Variants in SON observed in about 807,000 individuals in gnomAD.
SON encodes the protein protein SON.
A neutral mutation model predicts 173.3 loss-of-function variants in SON; 4 were observed. The observed-to-expected ratio is 0.02, with a 90% CI of 0.01 to 0.05. The LOEUF (loss-of-function observed/expected upper bound fraction) is 0.05, where lower values mean the gene tolerates loss of function less well. Among genes scored for constraint, SON ranks in the 10% least tolerant of loss-of-function variants. The probability of loss-of-function intolerance (pLI) is 1.00; values close to 1 mark genes in which losing one functional copy is unlikely to be tolerated. For synonymous variants in SON, 1,190 were observed against 1,105.9 expected (o/e 1.08, Z -1.51); for missense variants, 2,626 against 3,055.3 (o/e 0.86, Z 3.31).
chr21:33,572,550 G>A, intron 8 of SON: 1 of 1,304,034 alleles, frequency 7.7e-7, no homozygotes, highest in Non-Finnish European at 1.0e-6. Context: ...ACTTGTTTCA[G>A]GGCCAAATCC....
At chr21:33,566,015 C>CTTAAGAGAAGTCT (rs1224759972) in intron 6 of SON, among the ~76,000 whole-genome samples, 2 of 152,256 alleles carry the variant, frequency 1.3e-5, no homozygotes, top group African/African-American at 4.8e-5. Flanking sequence ...AGGTCTTATT[C>CTTAAGAGAAGTCT]TTAAGAGAAG....
chr21:33,547,638 CAATT>C (rs3057430), intron 2 of SON, among the ~76,000 whole-genome samples: 31,774 of 144,888 alleles, frequency 0.22, 4,081 homozygotes, highest in Non-Finnish European at 0.28. Context: ...ATGAAACAAA[CAATT>C]AATAGAAAAT....
Position 33,565,563 on chromosome 21 carries a change from CTT to C in SON, c.6658-1593_6658-1592del, listed in dbSNP as rs533848599. Among the ~76,000 whole-genome samples the C allele has an allele frequency of 3.5e-3, 537 of 152,286 alleles. 3 individuals carry two copies. Among genetic ancestry groups the C allele is most frequent in the African/African-American group, 0.012 (511 of 41,566 alleles). ...ATTAAAGTCCCAGGAATCAAACAGA[CTT>C]AAGTGAAAGATGACATACTAAGTTT... On this transcript the variant is annotated intron_variant, in intron 6 of 11. Coordinates refer to ENST00000356577, the MANE Select transcript of SON (RefSeq NM_138927.4).
chr21:33,575,694 T>C, intron 10 of SON, 27 bp downstream of exon 10: 1 of 1,599,166 alleles, frequency 6.3e-7, no homozygotes, highest in Non-Finnish European at 8.6e-7. Flanking sequence ...GAATTTCCTC[T>C]TACCCTAATC....
Position 33,559,002 on chromosome 21 carries a change from C to G in SON, c.6322-228C>G, listed in dbSNP as rs901539087. 3 of 296,728 alleles carry G rather than the reference C, an allele frequency of 1.0e-5. No individual in the cohort carries two copies. Among genetic ancestry groups the G allele is most frequent in the Non-Finnish European group, 6.1e-6 (1 of 165,258 alleles). The allele number at this position is 296,728 out of a possible 1,614,324, so 18.4% of individuals were successfully genotyped here. On this transcript the variant is annotated intron_variant, in intron 4 of 11. Coordinates refer to ENST00000356577, the MANE Select transcript of SON (RefSeq NM_138927.4). This position sits in a 1 kb window ranked among gnomAD's most constrained non-coding sequence, Gnocchi z 4.1. ...TTTTTTGTATTCCCCAGACAGTGCC[C>G]AGTACAGTGCTCTCTCTGCACATAG...
intron 11 of SON, among the ~76,000 whole-genome samples, chr21:33,576,144 A>G (rs552680071): frequency 2.6e-5 from 4 of 152,284 alleles, no homozygotes. Flanking sequence ...TGGGGAATTA[A>G]TTTAATACTT....
chr21:33,573,539 A>G (rs1483190753), intron 9 of SON, 84 bp downstream of exon 9: 21 of 1,200,706 alleles, frequency 1.7e-5, no homozygotes, highest in Non-Finnish European at 2.3e-5. Context: ...GTGATACTGA[A>G]CTGAAGGCAC....
At position 33,553,449 on chromosome 21, in the gene SON, T is replaced by C; in HGVS notation, c.4218T>C (p.Pro1406=). The C allele has an allele frequency of 6.2e-7, 1 of 1,614,244 alleles. No individual in the cohort carries two copies. The highest frequency in any genetic ancestry group is 8.5e-7 in the Non-Finnish European group (1 of 1,180,040). ...CTGAGCCAGACTATGTTACCATTCC[T>C]GTGCCAGTTGTTTCTGCGCTGGAGC... ...VVAEPDYVTI[P]VPVVSALEPS... is the part of the protein sequence containing the mutation. Residue 1406 remains proline (P), a synonymous_variant, in exon 3 of 12, where the codon CCT becomes CCC. Coordinates refer to ENST00000356577, the MANE Select transcript of SON (RefSeq NM_138927.4).
intron 8 of SON, chr21:33,573,072 G>A (rs2086322112): frequency 2.6e-6 from 1 of 379,092 alleles, no homozygotes; most frequent in Non-Finnish European, 4.7e-6. Flanking sequence ...GAGGGCTACT[G>A]TTTCAAAACT....
At chr21:33,549,392 A>G (rs2085700138) in intron 2 of SON, 84 bp from the exon 3 acceptor site, 3 of 1,228,444 alleles carry the variant, frequency 2.4e-6, no homozygotes, top group African/African-American at 3.0e-5. Flanking sequence ...GTGTTTTAAC[A>G]TGGAATGTAA....
At chr21:33,544,238 A>G (rs1203218429) in intron 1 of SON, among the ~76,000 whole-genome samples, 1 of 152,266 alleles carries the variant, frequency 6.6e-6, no homozygotes, top group African/African-American at 2.4e-5. Flanking sequence ...TATTGCTAGA[A>G]TTATCACTTT....
Position 33,544,529 on chromosome 21 carries a change from CTCATG to C in SON, c.77+1365_77+1369del, listed in dbSNP as rs2085564726. Among the ~76,000 whole-genome samples the C allele has an allele frequency of 2.0e-5, 3 of 151,112 alleles. No individual in the cohort carries two copies. In the East Asian group the frequency reaches 5.8e-4, roughly 29 times the overall value. On this transcript the variant is annotated intron_variant, in intron 1 of 11. Coordinates refer to ENST00000356577, the MANE Select transcript of SON (RefSeq NM_138927.4). The stretch of plus-strand genomic sequence containing the variant: ...AGAAAAAACTCACGTTATTGATATT[CTCATG>C]TCATTTCATTTCCCCCCCCATGTAT...
chr21:33,568,101 G>A (rs2086209709), intron 7 of SON, among the ~76,000 whole-genome samples: 1 of 152,196 alleles, frequency 6.6e-6, no homozygotes, highest in African/African-American at 2.4e-5. Context: ...ATTGCTGACA[G>A]TGCAAGGTGT....
In SON at chr21:33,545,917, T is replaced by G. The variant is rs1243832984; in HGVS notation, c.78-296T>G. On this transcript the variant is annotated intron_variant, in intron 1 of 11. Coordinates refer to ENST00000356577, the MANE Select transcript of SON (RefSeq NM_138927.4). Reference sequence around the variant, plus strand: ...ATTTTTCTCCCCTGAAAGAAATATGTGGGTATCCCAAAAGCCTAAAGTTAG... The same window carrying G: ...ATTTTTCTCCCCTGAAAGAAATATGGGGGTATCCCAAAAGCCTAAAGTTAG... Among the ~76,000 whole-genome samples, 3 of 152,376 alleles carry G rather than the reference T, an allele frequency of 2.0e-5. No individual in the cohort carries two copies. The South Asian group carries it at 6.2e-4, about 32-fold the overall frequency.
chr21:33,571,636 T>C (rs1192490987), intron 8 of SON: 1 of 152,602 alleles, frequency 6.6e-6, no homozygotes, highest in African/African-American at 2.4e-5. Context: ...ATTAATCAGC[T>C]TTTTCACACT....
In SON at chr21:33,559,049, T is replaced by C; in HGVS notation, c.6322-181T>C. On this transcript the variant is annotated intron_variant, in intron 4 of 11. Transcript: ENST00000356577. The surrounding 1 kb of genome is among the most constrained non-coding windows in gnomAD (Gnocchi z 4.1). Reference sequence around the variant, plus strand: ...ATAGTAGGTGCTCAATAAATGTTGTTGACTGACTGACCAGCCAGAGTGTGT... The same window carrying C: ...ATAGTAGGTGCTCAATAAATGTTGTCGACTGACTGACCAGCCAGAGTGTGT... 1 of 456,848 alleles carries C rather than the reference T, an allele frequency of 2.2e-6. No homozygotes were observed. The allele number at this position is 456,848 out of a possible 1,614,324, so 28.3% of individuals were successfully genotyped here.
intron 1 of SON, among the ~76,000 whole-genome samples, chr21:33,543,694 C>G (rs1458927793): frequency 6.6e-6 from 1 of 152,208 alleles, no homozygotes; most frequent in South Asian, 2.1e-4. Flanking sequence ...GGCCTAGTGT[C>G]CTGTAGTATC....
intron 6 of SON, among the ~76,000 whole-genome samples, chr21:33,562,734 C>T (rs1234113121): frequency 6.6e-6 from 1 of 152,072 alleles, no homozygotes; most frequent in Admixed American, 6.6e-5. Context: ...GATTTATAAA[C>T]AATGAAATAA....
rs762443958 is a variant in SON at position 33,554,827 on chromosome 21, C to T, written c.5596C>T (p.Arg1866Cys). The change falls in exon 3 of 12, where the codon CGT becomes TGT. Residue 1866 changes from arginine (R) to cysteine (C), a missense_variant. By Grantham distance (180) the Arg-to-Cys change is radical. Coordinates refer to ENST00000356577, the MANE Select transcript of SON (RefSeq NM_138927.4). The stretch of plus-strand genomic sequence containing the variant: ...TCGCTCTCAGACACGTTCACGGTCA[C>T]GTTCAAGACGCAGGAGGAGAAGCAG... ...SHRSQTRSRS[R>C]SRRRRRSSRS... 11 of 1,613,912 alleles carry T rather than the reference C, an allele frequency of 6.8e-6. No homozygotes were observed. The highest frequency in any genetic ancestry group is 2.2e-5 in the East Asian group (1 of 44,878).
Sources: allele counts gnomAD v4.1 joint callset (sites outside exome capture counted in the v4.1 genomes callset), GRCh38; gene constraint gnomAD v4.1.1; non-coding constraint Gnocchi (gnomAD v3.1); transcripts MANE v1.5; gene names NCBI Gene and HGNC (gene_info 2026-07-23, HGNC 2026-07-21).